SEMA5B: variants seen among roughly 807,000 people sequenced by gnomAD.
SEMA5B encodes the protein semaphorin 5B, also known as semaphorin-5B.
SEMA5B carries 66 observed loss-of-function variants against 135.0 expected under a neutral mutation model. The ratio of observed to expected loss-of-function variants is 0.49; its 90% confidence interval spans 0.40 to 0.60. SEMA5B has a LOEUF of 0.60. SEMA5B is among the 20% of genes least tolerant of loss of function. SEMA5B has a pLI of 0.00. For synonymous variants in SEMA5B, 690 were observed against 639.5 expected, an observed-to-expected ratio of 1.08 and a Z score of -1.19; for missense variants, 1,501 against 1,566.3, an observed-to-expected ratio of 0.96 and a Z score of 0.70.
intron 3 of SEMA5B, among the ~76,000 whole-genome samples, chr3:122,945,686 G>A (rs368037846): frequency 6.6e-6 from 1 of 152,158 alleles, no homozygotes; most frequent in Non-Finnish European, 1.5e-5. Flanking sequence ...GATGTAGGCA[G>A]CTAAATGAGG....
intron 5 of SEMA5B, among the ~76,000 whole-genome samples, chr3:122,935,686 C>CTTTTTTTTTTTTTTTTTTTTTTT (rs147968317): frequency 6.8e-4 from 48 of 70,254 alleles, no homozygotes; most frequent in East Asian, 2.4e-3. Flanking sequence ...TTCTTTCTTT[C>CTTTTTTTTTTTTTTTTTTTTTTT]TTTTTTTTTT....
In SEMA5B at chr3:122,928,507, A is replaced by G. The variant is rs775568040; in HGVS notation, c.636+10T>C. 6.5e-7 allele frequency: 1 copy of G among 1,550,050 alleles called. No individual in the cohort carries two copies. The highest frequency in any genetic ancestry group is 1.4e-5 in the African/African-American group (1 of 73,294). ...GCCCCCTTCAGTCTCCTCCACCCTG[A>G]GGTGCCCACCTGTCTGCTGGTGCAC... On this transcript the variant is annotated intron_variant, in intron 7 of 22. Transcript: ENST00000357599.
chr3:122,953,694 A>C (rs1472328860), intron 2 of SEMA5B, among the ~76,000 whole-genome samples: 1 of 152,238 alleles, frequency 6.6e-6, no homozygotes, highest in Admixed American at 6.5e-5. Flanking sequence ...GCACCACTGC[A>C]GGTATCATAC....
chr3:122,910,491 C>G (rs1937627989), intron 22 of SEMA5B, among the ~76,000 whole-genome samples, 190 bp from the exon 23 acceptor site: 1 of 152,176 alleles, frequency 6.6e-6, no homozygotes, highest in Admixed American at 6.5e-5. Context: ...TCACCCTGCC[C>G]TCCTACCCTG....
chr3:122,988,314 C>T (rs1422445192), intron 1 of SEMA5B, among the ~76,000 whole-genome samples: 4 of 152,318 alleles, frequency 2.6e-5, no homozygotes, highest in African/African-American at 9.6e-5. Context: ...GTGTGGCACC[C>T]AGCTCTAGCA....
At chr3:123,019,410 G>A (rs998716724) in intron 1 of SEMA5B, among the ~76,000 whole-genome samples, 16 of 152,106 alleles carry the variant, frequency 1.1e-4, no homozygotes, top group African/African-American at 3.9e-4. Flanking sequence ...AGCCTGGGTA[G>A]AAACCCCGTC....
Position 122,913,322 on chromosome 3 carries a change from C to T in SEMA5B, c.2383G>A (p.Glu795Lys). 1 of 1,572,330 alleles carries T rather than the reference C, an allele frequency of 6.4e-7. No homozygotes were observed. Among genetic ancestry groups the T allele is most frequent in the South Asian group, 1.1e-5 (1 of 87,570 alleles). The change falls in exon 17 of 23, where the codon GAG (glutamate) becomes AAG (lysine). Residue 795 changes from glutamate to lysine, a missense_variant. Physicochemically the swap from Glu to Lys is moderately conservative, Grantham distance 56. Coordinates refer to ENST00000357599, the MANE Select transcript of SEMA5B (RefSeq NM_001031702.4). The stretch of plus-strand genomic sequence containing the variant: ...CGGCAGGTGAAGCGGAACCGCTGCT[C>T]CTGCCGTGCCCCGCCCTGCGTCACG... ...VNVTQGGARQ[E>K]QRFRFTCRAP...
rs115168802 is a variant in SEMA5B, at chr3:122,984,371, G to A, written c.-38-23070C>T. ...CTATCACTCCCATTCTGGGCAGCAG[G>A]GGTGGCCTCAGAAGGAGAGCATCTG... On this transcript the variant is annotated intron_variant, in intron 1 of 22. Transcript: ENST00000357599. Among the ~76,000 whole-genome samples, 849 of 152,334 alleles carry A rather than the reference G, an allele frequency of 5.6e-3. 11 individuals carry two copies. The highest frequency in any genetic ancestry group is 0.019 in the African/African-American group (787 of 41,572).
chr3:123,014,659 C>T (rs779734736), intron 1 of SEMA5B, among the ~76,000 whole-genome samples: 1 of 152,222 alleles, frequency 6.6e-6, no homozygotes, highest in Non-Finnish European at 1.5e-5. Flanking sequence ...ATACAAGAAG[C>T]ACTTGAAGCT....
intron 1 of SEMA5B, among the ~76,000 whole-genome samples, chr3:122,985,497 T>TAA (rs201770626): frequency 7.0e-6 from 1 of 142,320 alleles, no homozygotes; most frequent in South Asian, 2.2e-4. Flanking sequence ...CAGTGTCTCT[T>TAA]AAAAAAAAAA....
intron 1 of SEMA5B, among the ~76,000 whole-genome samples, chr3:122,982,695 C>T (rs963176670): frequency 6.6e-5 from 10 of 152,298 alleles, no homozygotes; most frequent in African/African-American, 2.4e-4. Context: ...GCACCACCCC[C>T]CACCCCCCAG....
At chr3:122,915,351 T>G (rs1938007175) in intron 14 of SEMA5B, 89 bp downstream of exon 14, 7 of 1,333,344 alleles carry the variant, frequency 5.2e-6, no homozygotes. Flanking sequence ...TGTCCCTTAG[T>G]GCAAACACCC....
intron 1 of SEMA5B, among the ~76,000 whole-genome samples, chr3:122,991,909 A>T (rs1324099707): frequency 2.0e-5 from 3 of 152,234 alleles, no homozygotes; most frequent in Non-Finnish European, 4.4e-5. Context: ...CAGGCATGTT[A>T]GGAATTCTAG....
intron 1 of SEMA5B, among the ~76,000 whole-genome samples, chr3:123,025,437 G>A (rs57683123): frequency 0.07 from 10,675 of 152,196 alleles, 1,087 homozygotes; most frequent in African/African-American, 0.23. Context: ...GCATGGGCTC[G>A]GCCCTGTACC....
chr3:122,977,171 A>G (rs890308515), intron 1 of SEMA5B, among the ~76,000 whole-genome samples: 8 of 152,194 alleles, frequency 5.3e-5, no homozygotes, highest in African/African-American at 1.9e-4. Context: ...GAGGAGGAGG[A>G]TGCCTACTAT....
chr3:122,954,415 C>T (rs1055770447), intron 2 of SEMA5B, among the ~76,000 whole-genome samples: 1 of 152,230 alleles, frequency 6.6e-6, no homozygotes, highest in Non-Finnish European at 1.5e-5. Context: ...TTACTTAATC[C>T]CGTTGGAGTT....
intron 1 of SEMA5B, among the ~76,000 whole-genome samples, chr3:122,981,489 T>C (rs1391656364): frequency 6.6e-6 from 1 of 152,256 alleles, no homozygotes. Context: ...ACTACATCCC[T>C]GAGAGCATGT....
chr3:122,937,362 G>A (rs13320448), intron 5 of SEMA5B, among the ~76,000 whole-genome samples: 44 of 152,316 alleles, frequency 2.9e-4, no homozygotes, highest in African/African-American at 9.4e-4. Context: ...CAGGAGGACC[G>A]GGCACTGAAG....
chr3:122,969,036 T>C (rs563963690), intron 1 of SEMA5B, among the ~76,000 whole-genome samples: 2 of 152,378 alleles, frequency 1.3e-5, no homozygotes, highest in South Asian at 4.1e-4. Flanking sequence ...GCTCGAATAA[T>C]TTTAATTATA....
Sources: gnomAD v4.1 joint callset for allele counts (sites outside exome capture counted in the v4.1 genomes callset) on GRCh38, gnomAD v4.1.1 for gene constraint, MANE v1.5 for transcripts, NCBI Gene and HGNC (gene_info 2026-07-23, HGNC 2026-07-21) for gene names.